The following CSMD2 variants were observed in gnomAD, a reference collection of about 807,000 sequenced individuals.
The protein encoded by CSMD2 is CUB and sushi domain-containing protein 2.
In CSMD2, 130 loss-of-function variants were observed where a neutral mutation model predicts 398.5. The ratio of observed to expected loss-of-function variants is 0.33; its 90% CI spans 0.28 to 0.38. CSMD2 has a LOEUF of 0.38. Ranked by LOEUF, CSMD2 falls within the 10% of genes least tolerant of loss-of-function variation. CSMD2 has a pLI of 1.00. For synonymous variants in CSMD2, 1,828 were observed against 1,908.5 expected (o/e 0.96, Z 1.10); for missense variants, 3,829 against 4,764.9 (o/e 0.80, Z 5.78).
chr1:33,829,257 T>A (rs946293666), intron 6 of CSMD2, among the ~76,000 whole-genome samples: 4 of 152,108 alleles, frequency 2.6e-5, no homozygotes, highest in African/African-American at 7.2e-5. Flanking sequence ...GCACACACCA[T>A]ATGGGAGCTG....
chr1:33,885,186 C>G (rs1210381620), intron 5 of CSMD2: 1 of 152,134 alleles, frequency 6.6e-6, no homozygotes, highest in Non-Finnish European at 1.5e-5. Context: ...GATTCTTAAG[C>G]CCACATTGTT....
At chr1:33,866,602 T>C (rs1640053036) in intron 5 of CSMD2, among the ~76,000 whole-genome samples, 2 of 152,252 alleles carry the variant, frequency 1.3e-5, no homozygotes, top group South Asian at 4.1e-4. Context: ...ATAAGTGCTC[T>C]CAGTTTCCTT....
At chr1:33,686,967 C>T (rs2149082742) in intron 25 of CSMD2, among the ~76,000 whole-genome samples, 1 of 152,300 alleles carries the variant, frequency 6.6e-6, no homozygotes, top group African/African-American at 2.4e-5. Flanking sequence ...AATTACAAGC[C>T]AGCCACATTC....
intron 6 of CSMD2, among the ~76,000 whole-genome samples, chr1:33,831,027 A>G (rs1164468784): frequency 6.6e-6 from 1 of 152,226 alleles, no homozygotes; most frequent in African/African-American, 2.4e-5. Context: ...GACCAAATCT[A>G]CGTCTGATTG....
intron 3 of CSMD2, among the ~76,000 whole-genome samples, chr1:34,013,102 C>T (rs1647590576): frequency 6.6e-6 from 1 of 152,228 alleles, no homozygotes; most frequent in Non-Finnish European, 1.5e-5. Flanking sequence ...TGGCCATCGA[C>T]AAAGGCACTG....
chr1:33,857,703 A>T (rs1639198354), intron 5 of CSMD2, among the ~76,000 whole-genome samples: 1 of 152,160 alleles, frequency 6.6e-6, no homozygotes, highest in Non-Finnish European at 1.5e-5. Flanking sequence ...TTAGCTGGGG[A>T]ATGTACCCAT....
At chr1:33,610,455 G>C (rs1242278912) in intron 41 of CSMD2, among the ~76,000 whole-genome samples, 2 of 152,112 alleles carry the variant, frequency 1.3e-5, no homozygotes, top group Non-Finnish European at 2.9e-5. Context: ...ACAACACAGG[G>C]GAACCTGAGT....
At chr1:33,972,440 C>G (rs1645805588) in intron 3 of CSMD2, among the ~76,000 whole-genome samples, 1 of 152,106 alleles carries the variant, frequency 6.6e-6, no homozygotes, top group South Asian at 2.1e-4. Context: ...CTTTACATGG[C>G]AAAAGAGACT....
intron 10 of CSMD2, among the ~76,000 whole-genome samples, chr1:33,797,679 A>AG (rs148383037): frequency 0.045 from 6,887 of 152,180 alleles, 218 homozygotes; most frequent in Non-Finnish European, 0.068. Flanking sequence ...GGGTCCCAGC[A>AG]GGGGGTCAGG....
At chr1:33,860,469 T>G (rs1447338341) in intron 5 of CSMD2, 1 of 152,162 alleles carries the variant, frequency 6.6e-6, no homozygotes, top group Non-Finnish European at 1.5e-5. Flanking sequence ...TTCGATCACT[T>G]GGTTAAAGTG....
intron 1 of CSMD2, among the ~76,000 whole-genome samples, chr1:34,109,484 A>G (rs1471060494): frequency 6.6e-6 from 1 of 152,216 alleles, no homozygotes; most frequent in Non-Finnish European, 1.5e-5. Context: ...GCCAATCCAG[A>G]ATGGTATTGC....
At chr1:33,691,004 C>T (rs1013832634) in intron 25 of CSMD2, among the ~76,000 whole-genome samples, 14 of 152,134 alleles carry the variant, frequency 9.2e-5, no homozygotes, top group Non-Finnish European at 1.8e-4. Flanking sequence ...GATGACCTCC[C>T]GGGTGAGCTG....
intron 6 of CSMD2, 139 bp downstream of exon 6, chr1:33,846,745 C>G (rs1570246861): frequency 4.2e-6 from 2 of 474,430 alleles, no homozygotes; most frequent in South Asian, 3.8e-5. Context: ...CTGCAGACCT[C>G]TGGTCTGCAA....
At chr1:34,112,806 T>C (rs1479820992) in intron 1 of CSMD2, 1 of 152,108 alleles carries the variant, frequency 6.6e-6, no homozygotes. Flanking sequence ...AAGAAAAGGA[T>C]TCAAGCCAAT....
chr1:33,837,322 G>A (rs1456266021), intron 6 of CSMD2, among the ~76,000 whole-genome samples: 1 of 152,154 alleles, frequency 6.6e-6, no homozygotes, highest in African/African-American at 2.4e-5. Context: ...GTCAAAACAA[G>A]AAGATGAACA....
chr1:33,527,109 G>T, intron 65 of CSMD2, 87 bp downstream of exon 65: 1 of 1,198,826 alleles, frequency 8.3e-7, no homozygotes, highest in Non-Finnish European at 1.2e-6. Context: ...TAGGCACTCA[G>T]CAACTCTCAG....
chr1:33,836,690 C>A (rs1177704546), intron 6 of CSMD2, among the ~76,000 whole-genome samples: 2 of 152,190 alleles, frequency 1.3e-5, no homozygotes, highest in African/African-American at 2.4e-5. Flanking sequence ...TCCTGGTGTG[C>A]CATTTGCTAA....
At chr1:34,013,693 G>A (rs1228709394) in intron 3 of CSMD2, among the ~76,000 whole-genome samples, 1 of 152,018 alleles carries the variant, frequency 6.6e-6, no homozygotes, top group African/African-American at 2.4e-5. Flanking sequence ...TCCACACCTG[G>A]GGAAAAAAAG....
chr1:33,738,991 C>G, intron 15 of CSMD2, 149 bp downstream of exon 15: 2 of 643,072 alleles, frequency 3.1e-6, no homozygotes, highest in Non-Finnish European at 5.1e-6. Context: ...CCCTGCTATT[C>G]CAGCATGAGG....
Sources: gnomAD v4.1 joint callset for allele counts (sites outside exome capture counted in the v4.1 genomes callset) on GRCh38, gnomAD v4.1.1 for gene constraint, MANE v1.5 for transcripts, NCBI Gene and HGNC (gene_info 2026-07-23, HGNC 2026-07-21) for gene names.